Variants in ZNF385B observed in about 807,000 individuals in gnomAD.
ZNF385B encodes zinc finger protein 533.
In ZNF385B, 23 loss-of-function variants were observed where a neutral mutation model predicts 39.2. The observed-to-expected ratio is 0.59, with a 90% CI of 0.42 to 0.83. The LOEUF is 0.83. Among genes scored for constraint, ZNF385B ranks in the 40% least tolerant of loss-of-function variants. The pLI, the probability that ZNF385B is intolerant of heterozygous loss-of-function variation, is 0.00. For missense variants in ZNF385B, 552 were observed against 598.9 expected, an observed-to-expected ratio of 0.92 and a Z score of 0.82; for synonymous variants, 205 against 222.6, an observed-to-expected ratio of 0.92 and a Z score of 0.70.
intron 6 of ZNF385B, among the ~76,000 whole-genome samples, chr2:179,481,955 A>T (rs1043277287): frequency 6.6e-6 from 1 of 152,202 alleles, no homozygotes; most frequent in Non-Finnish European, 1.5e-5. Flanking sequence ...ATATGTCAGA[A>T]GGTTTTGTTC....
intron 1 of ZNF385B, among the ~76,000 whole-genome samples, chr2:179,828,322 T>C (rs531672193): frequency 6.6e-6 from 1 of 152,108 alleles, no homozygotes; most frequent in African/African-American, 2.4e-5. Flanking sequence ...TAAAAATACA[T>C]CCTACAAAGG....
intron 3 of ZNF385B, among the ~76,000 whole-genome samples, chr2:179,731,536 G>T (rs897176474): frequency 6.6e-6 from 1 of 152,176 alleles, no homozygotes; most frequent in African/African-American, 2.4e-5. Context: ...ATTCTCAAAG[G>T]TAACTTTAGA....
At chr2:179,593,181 A>T in intron 3 of ZNF385B, among the ~76,000 whole-genome samples, 1 of 152,294 alleles carries the variant, frequency 6.6e-6, no homozygotes. Flanking sequence ...GAAAAACTAT[A>T]ATAAACACTG....
At chr2:179,680,038 AT>A (rs1427544130) in intron 3 of ZNF385B, among the ~76,000 whole-genome samples, 4 of 152,206 alleles carry the variant, frequency 2.6e-5, no homozygotes, top group Admixed American at 1.3e-4. Context: ...CTTTGAAATA[AT>A]TATAAAATTT....
At chr2:179,761,756 C>CTTTTCTTTTTTT (rs1481851118) in intron 3 of ZNF385B, among the ~76,000 whole-genome samples, 1 of 109,588 alleles carries the variant, frequency 9.1e-6, no homozygotes, top group African/African-American at 3.3e-5. Flanking sequence ...CATTTTTTTT[C>CTTTTCTTTTTTT]TTTTCTTTTT....
intron 1 of ZNF385B, among the ~76,000 whole-genome samples, chr2:179,831,433 G>A (rs1707979501): frequency 6.7e-6 from 1 of 150,016 alleles, no homozygotes; most frequent in Admixed American, 6.7e-5. Flanking sequence ...CGAAGATCCA[G>A]CAAAACTGCA....
intron 6 of ZNF385B, among the ~76,000 whole-genome samples, chr2:179,468,284 A>T (rs561533077): frequency 1.4e-4 from 22 of 152,336 alleles, no homozygotes; most frequent in African/African-American, 5.1e-4. Flanking sequence ...CTAGAGTTTG[A>T]ATCTAATGAA....
At chr2:179,485,741 T>C (rs554769101) in intron 5 of ZNF385B, among the ~76,000 whole-genome samples, 60 of 152,174 alleles carry the variant, frequency 3.9e-4, no homozygotes, top group Non-Finnish European at 7.2e-4. Context: ...CAGTGTACCT[T>C]GATTCTGCTG....
chr2:179,725,930 A>C (rs530198920), intron 3 of ZNF385B, among the ~76,000 whole-genome samples: 1 of 140,840 alleles, frequency 7.1e-6, no homozygotes. Context: ...ATATATATAT[A>C]TATGTGTATA....
At chr2:179,620,008 T>C (rs184843260) in intron 3 of ZNF385B, among the ~76,000 whole-genome samples, 2 of 152,294 alleles carry the variant, frequency 1.3e-5, no homozygotes, top group East Asian at 3.9e-4. Context: ...TTAATATATT[T>C]CAGAGTAACT....
intron 3 of ZNF385B, among the ~76,000 whole-genome samples, chr2:179,573,519 G>A (rs1004758924): frequency 2.0e-5 from 3 of 151,992 alleles, no homozygotes; most frequent in Non-Finnish European, 4.4e-5. Flanking sequence ...TTATCATTTT[G>A]CTCAATATTG....
intron 1 of ZNF385B, among the ~76,000 whole-genome samples, chr2:179,800,584 A>C (rs566644806): frequency 5.9e-5 from 9 of 152,074 alleles, no homozygotes; most frequent in Non-Finnish European, 1.0e-4. Flanking sequence ...GTTGCCTATT[A>C]TTTTCTTCTT....
At chr2:179,659,743 A>C (rs16866894) in intron 3 of ZNF385B, among the ~76,000 whole-genome samples, 2,036 of 152,318 alleles carry the variant, frequency 0.013, 35 homozygotes, top group African/African-American at 0.046. Flanking sequence ...TATTTTAAAC[A>C]AGAAGTTGTG....
At chr2:179,709,528 C>A (rs375357234) in intron 3 of ZNF385B, among the ~76,000 whole-genome samples, 1 of 152,180 alleles carries the variant, frequency 6.6e-6, no homozygotes, top group African/African-American at 2.4e-5. Flanking sequence ...ATCTACACCA[C>A]CTGGAAATCA....
At chr2:179,768,532 G>T (rs1703834865) in intron 3 of ZNF385B, among the ~76,000 whole-genome samples, 1 of 152,178 alleles carries the variant, frequency 6.6e-6, no homozygotes, top group Non-Finnish European at 1.5e-5. Flanking sequence ...AGCACTGAGT[G>T]AAATTCCAAC....
intron 3 of ZNF385B, among the ~76,000 whole-genome samples, chr2:179,588,341 T>G (rs969039269): frequency 3.3e-5 from 5 of 151,958 alleles, no homozygotes; most frequent in Non-Finnish European, 7.4e-5. Flanking sequence ...GCCCGCCTCG[T>G]CCTCCCCCTT....
intron 6 of ZNF385B, among the ~76,000 whole-genome samples, chr2:179,448,646 T>C (rs971047383): frequency 6.6e-6 from 1 of 152,128 alleles, no homozygotes; most frequent in African/African-American, 2.4e-5. Context: ...AGGCTCAAAA[T>C]GATTATTCCT....
intron 3 of ZNF385B, among the ~76,000 whole-genome samples, chr2:179,682,773 CATT>C (rs1392590733): frequency 1.4e-5 from 2 of 140,078 alleles, no homozygotes; most frequent in African/African-American, 2.5e-5. Flanking sequence ...CACACACAGA[CATT>C]TTTTAAAAAT....
At chr2:179,812,522 T>G (rs965858020) in intron 1 of ZNF385B, among the ~76,000 whole-genome samples, 3 of 152,230 alleles carry the variant, frequency 2.0e-5, no homozygotes, top group Non-Finnish European at 4.4e-5. Context: ...GCCATTAATC[T>G]AAGTGAAGTA....
Sources: allele counts gnomAD v4.1 joint callset (sites outside exome capture counted in the v4.1 genomes callset), GRCh38; gene constraint gnomAD v4.1.1; transcripts MANE v1.5; gene names NCBI Gene and HGNC (gene_info 2026-07-23, HGNC 2026-07-21).